The following CEMIP variants were observed in gnomAD, a reference collection of about 807,000 sequenced individuals.
CEMIP encodes cell migration-inducing and hyaluronan-binding protein.
Under a neutral mutation model 156.9 loss-of-function variants are expected in CEMIP, and 105 were observed. The observed-to-expected ratio is 0.67, with a 90% CI of 0.57 to 0.79. The LOEUF (loss-of-function observed/expected upper bound fraction) is 0.79, where lower values mean the gene tolerates loss of function less well. Among genes scored for constraint, CEMIP ranks in the 30% least tolerant of loss-of-function variants. The probability of loss-of-function intolerance (pLI) is 0.00; values close to 1 mark genes in which losing one functional copy is unlikely to be tolerated. For synonymous variants in CEMIP, 676 were observed against 668.4 expected (o/e 1.01, Z -0.17); for missense variants, 1,457 against 1,769.4 (o/e 0.82, Z 3.17).
intron 1 of CEMIP, among the ~76,000 whole-genome samples, chr15:80,841,743 G>A (rs148067914): frequency 1.2e-3 from 180 of 152,310 alleles, no homozygotes; most frequent in African/African-American, 4.2e-3. Flanking sequence ...GGAGGCCAGG[G>A]CCGACCAATC....
chr15:80,786,196 A>G (rs1567046929), intron 1 of CEMIP, among the ~76,000 whole-genome samples: 1 of 151,972 alleles, frequency 6.6e-6, no homozygotes, highest in African/African-American at 2.4e-5. Context: ...AGTCATATCA[A>G]TAGTGTTAGC....
chr15:80,871,548 G>T (rs750009218), intron 1 of CEMIP, among the ~76,000 whole-genome samples: 6 of 152,098 alleles, frequency 3.9e-5, no homozygotes, highest in Non-Finnish European at 7.4e-5. Flanking sequence ...CTTAATGAGG[G>T]TCACCCAACA....
chr15:80,933,568 C>A (rs753108529), intron 23 of CEMIP, 108 bp downstream of exon 23: 216 of 838,482 alleles, frequency 2.6e-4, no homozygotes, highest in Non-Finnish European at 3.5e-4. Flanking sequence ...GAAAGAGATA[C>A]AGAATTTTTT....
rs77336371 is a variant in CEMIP, at chr15:80,937,093, C to G, written c.3221+208C>G. ...AGCATGGGTAACCTTGGCCAGCGCA[C>G]GTAACCTCTTGAGCCTGAGCTCCTT... is the stretch of plus-strand genomic sequence containing the variant. On this transcript the variant is annotated intron_variant, in intron 24 of 29. Transcript: ENST00000394685. Among the ~76,000 whole-genome samples, 848 of 152,306 alleles carry G rather than the reference C, an allele frequency of 5.6e-3. 3 individuals are homozygous for G. Among genetic ancestry groups the G allele is most frequent in the African/African-American group, 0.019 (792 of 41,548 alleles).
At chr15:80,850,674 G>A (rs1422424491) in intron 1 of CEMIP, among the ~76,000 whole-genome samples, 1 of 152,194 alleles carries the variant, frequency 6.6e-6, no homozygotes, top group Non-Finnish European at 1.5e-5. Context: ...AGTTGAAGGT[G>A]TGGAGGGAAG....
chr15:80,807,847 C>T (rs562810239), intron 1 of CEMIP, among the ~76,000 whole-genome samples: 1 of 152,310 alleles, frequency 6.6e-6, no homozygotes, highest in African/African-American at 2.4e-5. Context: ...TTATAGGTTG[C>T]TGAGATTGTG....
chr15:80,926,775 C>G (rs1449034013), intron 19 of CEMIP, among the ~76,000 whole-genome samples: 1 of 110,950 alleles, frequency 9.0e-6, no homozygotes, highest in African/African-American at 3.4e-5. Flanking sequence ...TTAAAAAAGT[C>G]AAAAAAGCAA....
intron 1 of CEMIP, among the ~76,000 whole-genome samples, chr15:80,856,815 C>T (rs919983785): frequency 1.3e-5 from 2 of 152,232 alleles, no homozygotes; most frequent in African/African-American, 4.8e-5. Flanking sequence ...CTAGCTTTAT[C>T]AGAACCCATT....
chr15:80,901,644 G>A (rs1483217032), intron 12 of CEMIP, among the ~76,000 whole-genome samples: 1 of 151,672 alleles, frequency 6.6e-6, no homozygotes, highest in African/African-American at 2.4e-5. Context: ...GGAGGTTGCA[G>A]TGAGCCGAGA....
intron 1 of CEMIP, among the ~76,000 whole-genome samples, chr15:80,783,230 T>C (rs2141556158): frequency 6.6e-6 from 1 of 152,376 alleles, no homozygotes; most frequent in South Asian, 2.1e-4. Context: ...AATTTGCATT[T>C]GCAGTTATAG....
chr15:80,830,628 T>G (rs1274376337), intron 1 of CEMIP, among the ~76,000 whole-genome samples: 1 of 152,240 alleles, frequency 6.6e-6, no homozygotes, highest in African/African-American at 2.4e-5. Flanking sequence ...TTTGTTTTTT[T>G]TAAGGTGACT....
At chr15:80,827,256 T>C (rs1428516941) in intron 1 of CEMIP, among the ~76,000 whole-genome samples, 2 of 152,200 alleles carry the variant, frequency 1.3e-5, no homozygotes, top group Non-Finnish European at 2.9e-5. Context: ...AATACCACTC[T>C]GTCCCTAAGG....
chr15:80,938,056 G>A, intron 25 of CEMIP, 77 bp downstream of exon 25: 1 of 1,223,962 alleles, frequency 8.2e-7, no homozygotes, highest in Non-Finnish European at 1.2e-6. Context: ...ATAAGTCTAA[G>A]AACAGCCATG....
At chr15:80,946,835 C>A (rs1206070323) in intron 28 of CEMIP, 130 bp from the exon 29 acceptor site, 1 of 715,654 alleles carries the variant, frequency 1.4e-6, no homozygotes, top group Non-Finnish European at 2.6e-6. Context: ...CTGCCCTTTC[C>A]CGAATCCCTG....
chr15:80,913,206 A>G (rs1216340938), intron 14 of CEMIP, among the ~76,000 whole-genome samples: 1 of 152,086 alleles, frequency 6.6e-6, no homozygotes, highest in Non-Finnish European at 1.5e-5. Context: ...GTGGGCAGCC[A>G]CCTTTGCTCT....
intron 10 of CEMIP, 149 bp downstream of exon 10, chr15:80,889,741 G>C (rs1400791292): frequency 3.0e-6 from 3 of 1,008,038 alleles, no homozygotes; most frequent in Admixed American, 3.9e-5. Context: ...TCCCACTTTA[G>C]AGACTGAAGC....
intron 1 of CEMIP, among the ~76,000 whole-genome samples, chr15:80,849,856 G>T (rs1897670916): frequency 6.6e-6 from 1 of 152,216 alleles, no homozygotes; most frequent in Non-Finnish European, 1.5e-5. Flanking sequence ...AGACAGAGAT[G>T]CTCAAGGATG....
At chr15:80,831,310 G>A (rs1391495151) in intron 1 of CEMIP, among the ~76,000 whole-genome samples, 1 of 152,142 alleles carries the variant, frequency 6.6e-6, no homozygotes, top group Non-Finnish European at 1.5e-5. Flanking sequence ...AGCATGGGTG[G>A]CTGGGGGATT....
rs183747007 is a variant in CEMIP, at chr15:80,848,317, C to A, written c.-175-25221C>A. Among the ~76,000 whole-genome samples, 16 of 152,286 alleles carry A rather than the reference C, an allele frequency of 1.1e-4. No homozygotes were observed. The East Asian group carries it at 3.1e-3, about 29-fold the overall frequency. ...ACTCACGCTCCACAGTTCTGGGAAACGGACTGATGAGAGATTTAGTTCTGG... is the reference window on the plus strand; with the variant it reads ...ACTCACGCTCCACAGTTCTGGGAAAAGGACTGATGAGAGATTTAGTTCTGG... On this transcript the variant is annotated intron_variant, in intron 1 of 29. Transcript: ENST00000394685.
Sources: gnomAD v4.1 joint callset for allele counts (sites outside exome capture counted in the v4.1 genomes callset) on GRCh38, gnomAD v4.1.1 for gene constraint, MANE v1.5 for transcripts, NCBI Gene and HGNC (gene_info 2026-07-23, HGNC 2026-07-21) for gene names.